PRAG1: variants seen among roughly 807,000 people sequenced by gnomAD.
The protein encoded by PRAG1 is PEAK1 related, kinase-activating pseudokinase 1.
A neutral mutation model predicts 95.6 loss-of-function variants in PRAG1; 110 were observed. The ratio of observed to expected loss-of-function variants is 1.15; its 90% CI spans 0.99 to 1.35. The LOEUF is 1.35. PRAG1 is among the 40% of genes most tolerant of loss of function. PRAG1 has a pLI of 0.00. For synonymous variants in PRAG1, 1,052 were observed against 819.4 expected, an observed-to-expected ratio of 1.28 and a Z score of -4.85; for missense variants, 2,554 against 1,864.7, an observed-to-expected ratio of 1.37 and a Z score of -6.81.
chr8:8,362,248 G>T (rs1799866633), intron 3 of PRAG1, among the ~76,000 whole-genome samples: 1 of 152,204 alleles, frequency 6.6e-6, no homozygotes, highest in Non-Finnish European at 1.5e-5. Flanking sequence ...GGAACCACAG[G>T]TAGCACCCAC....
At position 8,377,503 on chromosome 8, in the gene PRAG1, C is replaced by G. The variant is rs769185893; in HGVS notation, c.906G>C (p.Lys302Asn). 2 of 1,558,530 alleles carry G rather than the reference C, an allele frequency of 1.3e-6. No homozygotes were observed. Among genetic ancestry groups the G allele is most frequent in the Non-Finnish European group, 8.7e-7 (1 of 1,152,368 alleles). ...ACTCCTTGGGGAAGCTCGGGCCCCG[C>G]TTCTCCTGCTCTGCGGGCCCGGAAC... Reference protein sequence around the residue: ...GKCSGPAEQEKRGPSFPKECC... With the variant: ...GKCSGPAEQENRGPSFPKECC... The change falls in exon 3 of 6, where the codon AAG becomes AAC. Residue 302 changes from lysine (K) to asparagine (N), a missense_variant. Coordinates refer to ENST00000615670, the MANE Select transcript of PRAG1 (RefSeq NM_001080826.3).
chr8:8,356,148 C>T lies in PRAG1; in HGVS notation c.2163-16513G>A, dbSNP rs991577788. Among the ~76,000 whole-genome samples, 3 of 152,154 alleles carry T rather than the reference C, an allele frequency of 2.0e-5. No individual in the cohort carries two copies. The South Asian group carries it at 6.2e-4, about 31-fold the overall frequency. ...CAGACATTTATCTGAAGACATAAAA[C>T]TCACCAACAGATAAATGAAAAGGTG... On this transcript the variant is annotated intron_variant, in intron 3 of 5. Coordinates refer to ENST00000615670, the MANE Select transcript of PRAG1 (RefSeq NM_001080826.3).
intron 4 of PRAG1, among the ~76,000 whole-genome samples, chr8:8,335,436 C>T (rs557543586): frequency 1.3e-5 from 2 of 152,132 alleles, no homozygotes; most frequent in Non-Finnish European, 2.9e-5. Flanking sequence ...TATGGATACA[C>T]ATTTTTGGGA....
chr8:8,322,001 T>C (rs1299281840), intron 5 of PRAG1, among the ~76,000 whole-genome samples: 1 of 152,208 alleles, frequency 6.6e-6, no homozygotes. Flanking sequence ...ACATACCTTG[T>C]TGAGTCATTA....
At chr8:8,333,332 T>C (rs1798881739) in intron 4 of PRAG1, among the ~76,000 whole-genome samples, 1 of 152,188 alleles carries the variant, frequency 6.6e-6, no homozygotes, top group Non-Finnish European at 1.5e-5. Flanking sequence ...TTCCTGGCTA[T>C]AGAGTACAAC....
At chr8:8,355,603 C>T (rs1307241044) in intron 3 of PRAG1, among the ~76,000 whole-genome samples, 2 of 152,078 alleles carry the variant, frequency 1.3e-5, no homozygotes, top group Admixed American at 1.3e-4. Flanking sequence ...AAACAGAATA[C>T]AGAGCTCAGA....
At chr8:8,352,808 C>G (rs1317915616) in intron 3 of PRAG1, among the ~76,000 whole-genome samples, 1 of 152,016 alleles carries the variant, frequency 6.6e-6, no homozygotes, top group Non-Finnish European at 1.5e-5. Context: ...AGATTTTGTA[C>G]TTGCTTACAA....
rs1003698276 is a variant in PRAG1, at chr8:8,318,274, C to T, written c.4101G>A (p.Ala1367=). 8.7e-6 allele frequency: 14 copies of T among 1,614,082 alleles called. No homozygotes were observed. Among genetic ancestry groups the T allele is most frequent in the African/African-American group, 1.3e-5 (1 of 74,946 alleles). Residue 1367 remains alanine (A), a synonymous_variant, in exon 6 of 6, where the codon GCG becomes GCA. Coordinates refer to ENST00000615670, the MANE Select transcript of PRAG1 (RefSeq NM_001080826.3). The surrounding 1 kb of genome is among the most constrained non-coding windows in gnomAD (Gnocchi z 4.2). ...MKRALMMMKF[A]EKAVDRRRGV... Reference sequence around the variant, plus strand: ...CCCGCCTGCGATCCACCGCCTTCTCCGCAAACTTCATCATCATCAGGGCCC... The same window carrying T: ...CCCGCCTGCGATCCACCGCCTTCTCTGCAAACTTCATCATCATCAGGGCCC...
chr8:8,384,464 A>T (rs1204166682), intron 1 of PRAG1, among the ~76,000 whole-genome samples: 1 of 152,094 alleles, frequency 6.6e-6, no homozygotes, highest in African/African-American at 2.4e-5. Context: ...CCAGGGACGG[A>T]TGGACGCAAA....
Position 8,374,637 on chromosome 8 carries a change from A to C in PRAG1, c.2162+1610T>G, listed in dbSNP as rs531557039. On this transcript the variant is annotated intron_variant, in intron 3 of 5. Transcript: ENST00000615670. ...CTGGCCCATAGTGAGTGCCATATAA[A>C]TGGAAGCTCATCTTAGCTGCTGAAT... 249 of 984,962 alleles carry C rather than the reference A, an allele frequency of 2.5e-4. 2 individuals carry two copies. In the South Asian group the frequency reaches 0.01, roughly 41 times the overall value. 61.0% of individuals were successfully genotyped at this position (984,962 alleles called of 1,614,324 possible).
chr8:8,358,718 G>T (rs1260189171), intron 3 of PRAG1, among the ~76,000 whole-genome samples: 2 of 152,212 alleles, frequency 1.3e-5, no homozygotes, highest in East Asian at 3.8e-4. Context: ...TGCCACGAGA[G>T]CACACTGAAC....
In PRAG1 at chr8:8,376,764, A is replaced by G. The variant is rs764375409; in HGVS notation, c.1645T>C (p.Ser549Pro). 2.4e-5 allele frequency: 39 copies of G among 1,610,430 alleles called. No individual in the cohort carries two copies. In the Admixed American group the frequency reaches 6.5e-4, roughly 27 times the overall value. ...GGGGACCCTACAGGGCTACTCTTGG[A>G]CAACTTGGGGGGAATGGCGGGCCTC... is the stretch of plus-strand genomic sequence containing the variant. ...KERPAIPPKL[S>P]KSSPVGSPVS... Residue 549 changes from serine to proline, a missense_variant, in exon 3 of 6, where the codon TCC becomes CCC. Physicochemically the swap from Ser to Pro is moderately conservative, Grantham distance 74. Transcript: ENST00000615670.
chr8:8,329,879 A>T (rs935673012), intron 4 of PRAG1, among the ~76,000 whole-genome samples: 3 of 152,240 alleles, frequency 2.0e-5, no homozygotes, highest in African/African-American at 7.2e-5. Flanking sequence ...TCAGTGACCG[A>T]GGCAGCATTA....
intron 3 of PRAG1, among the ~76,000 whole-genome samples, chr8:8,360,428 C>T (rs1799808584): frequency 6.6e-6 from 1 of 152,204 alleles, no homozygotes; most frequent in African/African-American, 2.4e-5. Flanking sequence ...TCTCCTCTTG[C>T]CTCCTCTAGA....
intron 3 of PRAG1, among the ~76,000 whole-genome samples, chr8:8,343,223 C>T (rs748147490): frequency 1.3e-5 from 2 of 148,330 alleles, no homozygotes; most frequent in South Asian, 2.1e-4. Context: ...AGACTGACAA[C>T]GTCAGATTTT....
In PRAG1 at chr8:8,364,667, G is replaced by T. The variant is rs371855237; in HGVS notation, c.2162+11580C>A. Among the ~76,000 whole-genome samples, 1,187 of 142,066 alleles carry T rather than the reference G, an allele frequency of 8.4e-3. 12 individuals are homozygous for T. Among genetic ancestry groups the T allele is most frequent in the African/African-American group, 0.027 (1,011 of 37,588 alleles). The allele number at this position is 142,066 out of a possible 152,430, so 93.2% of individuals were successfully genotyped here. A position where few individuals can be genotyped will look rare whatever the true frequency, so the allele number is the denominator to read the frequency against. On this transcript the variant is annotated intron_variant, in intron 3 of 5. Transcript: ENST00000615670. ...CACTATATGGCAGGATTTCAATGTT[G>T]TTTTTTTTTTTGTTTTCTCCATACA...
intron 3 of PRAG1, among the ~76,000 whole-genome samples, chr8:8,348,645 C>T (rs1799423343): frequency 6.6e-6 from 1 of 152,116 alleles, no homozygotes. Context: ...CTCTCCCTTT[C>T]AAACCATCTC....
chr8:8,344,052 A>T (rs1024027366), intron 3 of PRAG1, among the ~76,000 whole-genome samples: 1 of 152,134 alleles, frequency 6.6e-6, no homozygotes, highest in Non-Finnish European at 1.5e-5. Flanking sequence ...TGTTTTTTTC[A>T]TCCTAAGTCC....
At chr8:8,364,790 G>C (rs77607147) in intron 3 of PRAG1, among the ~76,000 whole-genome samples, 1 of 151,854 alleles carries the variant, frequency 6.6e-6, no homozygotes, top group South Asian at 2.1e-4. Context: ...AATATTTAGC[G>C]ATCAAATGAA....
Sources: gnomAD v4.1 joint callset for allele counts (sites outside exome capture counted in the v4.1 genomes callset) on GRCh38, gnomAD v4.1.1 for gene constraint, Gnocchi (gnomAD v3.1) non-coding constraint, MANE v1.5 for transcripts, NCBI Gene and HGNC (gene_info 2026-07-23, HGNC 2026-07-21) for gene names.